EVI5: variants seen among roughly 807,000 people sequenced by gnomAD.
EVI5 encodes ecotropic viral integration site 5, also known as ecotropic viral integration site 5 protein homolog.
A neutral mutation model predicts 112.0 loss-of-function variants in EVI5; 73 were observed. That is an observed-to-expected ratio of 0.65 (90% confidence interval 0.54 to 0.79). EVI5 has a LOEUF of 0.79. Ranked by LOEUF, EVI5 falls within the 30% of genes least tolerant of loss-of-function variation. The pLI is 0.00. For synonymous variants in EVI5, 305 were observed against 319.9 expected (o/e 0.95, Z 0.50); for missense variants, 900 against 968.8 (o/e 0.93, Z 0.94).
intron 10 of EVI5, among the ~76,000 whole-genome samples, chr1:92,676,196 A>C (rs1558047953): frequency 6.6e-6 from 1 of 152,052 alleles, no homozygotes; most frequent in Non-Finnish European, 1.5e-5. Flanking sequence ...AACTGGAGAG[A>C]CTGTCTCCCT....
rs113857584 is a variant in EVI5 at position 92,577,507 on chromosome 1, G to C, written c.2071-13770C>G. Among the ~76,000 whole-genome samples, 130 of 152,306 alleles carry C rather than the reference G, an allele frequency of 8.5e-4. 2 individuals are homozygous for C. Among genetic ancestry groups the C allele is most frequent in the African/African-American group, 3.0e-3 (125 of 41,560 alleles). On this transcript the variant is annotated intron_variant, in intron 18 of 19. Coordinates refer to ENST00000684568, the MANE Select transcript of EVI5 (RefSeq NM_001350197.2). ...TCTTGAGGAAAGCTGGTTAGTGAATGCTTCATAAGTTTTCATCTGAACCAA... is the reference window on the plus strand; with the variant it reads ...TCTTGAGGAAAGCTGGTTAGTGAATCCTTCATAAGTTTTCATCTGAACCAA...
intron 13 of EVI5, among the ~76,000 whole-genome samples, chr1:92,649,629 A>G (rs573545218): frequency 6.6e-6 from 1 of 152,270 alleles, no homozygotes; most frequent in East Asian, 1.9e-4. Context: ...CCTGGGCAAC[A>G]TGGCAAAACC....
intron 1 of EVI5, among the ~76,000 whole-genome samples, chr1:92,740,658 G>A (rs897048729): frequency 1.3e-5 from 2 of 152,124 alleles, no homozygotes; most frequent in South Asian, 4.1e-4. Flanking sequence ...GTATGTGTGT[G>A]TCTGTATACA....
At chr1:92,614,008 A>C (rs995748089) in intron 16 of EVI5, among the ~76,000 whole-genome samples, 1 of 152,254 alleles carries the variant, frequency 6.6e-6, no homozygotes, top group African/African-American at 2.4e-5. Context: ...ATGCAAAGGG[A>C]AAACCTAAAG....
At chr1:92,681,357 TAC>T (rs1380774717) in intron 9 of EVI5, among the ~76,000 whole-genome samples, 1 of 152,124 alleles carries the variant, frequency 6.6e-6, no homozygotes, top group Non-Finnish European at 1.5e-5. Context: ...TATATACGCA[TAC>T]AGAGGAGAGA....
chr1:92,725,022 A>G (rs1469438504), intron 2 of EVI5, among the ~76,000 whole-genome samples: 1 of 152,118 alleles, frequency 6.6e-6, no homozygotes, highest in Non-Finnish European at 1.5e-5. Flanking sequence ...GAGTCATTGC[A>G]AGTCAGATAA....
chr1:92,515,225 T>TG (rs1659677810), intron 19 of EVI5, among the ~76,000 whole-genome samples: 1 of 152,234 alleles, frequency 6.6e-6, no homozygotes, highest in Non-Finnish European at 1.5e-5. Context: ...TACCTGTTAC[T>TG]GGGTGGGCAA....
At chr1:92,563,116 G>C (rs1462481107) in intron 19 of EVI5, among the ~76,000 whole-genome samples, 1 of 152,088 alleles carries the variant, frequency 6.6e-6, no homozygotes, top group Non-Finnish European at 1.5e-5. Context: ...AAAATTTTGT[G>C]AGTTGAATCT....
chr1:92,664,743 T>C (rs1243696301), intron 11 of EVI5, among the ~76,000 whole-genome samples: 2 of 152,244 alleles, frequency 1.3e-5, no homozygotes, highest in Non-Finnish European at 2.9e-5. Flanking sequence ...TACGCACTTC[T>C]ATTTAATATG....
intron 2 of EVI5, among the ~76,000 whole-genome samples, chr1:92,721,296 G>A (rs1474404144): frequency 6.6e-6 from 1 of 152,180 alleles, no homozygotes; most frequent in East Asian, 1.9e-4. Flanking sequence ...ATCAATGATA[G>A]ACTGGATTAA....
At chr1:92,763,308 T>C (rs1289973991) in intron 1 of EVI5, among the ~76,000 whole-genome samples, 1 of 152,022 alleles carries the variant, frequency 6.6e-6, no homozygotes, top group Non-Finnish European at 1.5e-5. Context: ...TGTTTAAAGG[T>C]CTCAAGAATA....
intron 1 of EVI5, among the ~76,000 whole-genome samples, chr1:92,772,854 C>T (rs193282801): frequency 1.4e-5 from 2 of 146,250 alleles, no homozygotes; most frequent in South Asian, 2.2e-4. Context: ...TGTACTGAGC[C>T]GAGATTGCAC....
chr1:92,600,191 A>G (rs1648820402), intron 18 of EVI5, among the ~76,000 whole-genome samples: 2 of 152,350 alleles, frequency 1.3e-5, no homozygotes, highest in Admixed American at 1.3e-4. Context: ...GGCGATATGC[A>G]AAACTGAGAA....
At chr1:92,599,678 G>A (rs1648699308) in intron 18 of EVI5, among the ~76,000 whole-genome samples, 2 of 152,220 alleles carry the variant, frequency 1.3e-5, no homozygotes, top group South Asian at 2.1e-4. Flanking sequence ...TACTTCAAAA[G>A]TAGAGGAGTA....
At position 92,613,747 on chromosome 1, in the gene EVI5, C is replaced by T. The variant is rs1008014936; in HGVS notation, c.1828-6020G>A. Reference sequence around the variant, plus strand: ...GGGACTACAGGCACATACTACCACACCTGGCTAATTTTTAAAAATTTTTAT... The same window carrying T: ...GGGACTACAGGCACATACTACCACATCTGGCTAATTTTTAAAAATTTTTAT... On this transcript the variant is annotated intron_variant, in intron 16 of 19. Transcript: ENST00000684568. Among the ~76,000 whole-genome samples the T allele has an allele frequency of 2.0e-5, 3 of 152,028 alleles. No individual in the cohort carries two copies. The East Asian group carries it at 5.8e-4, about 29-fold the overall frequency.
At chr1:92,629,613 T>C (rs1025927588) in intron 14 of EVI5, among the ~76,000 whole-genome samples, 3 of 152,232 alleles carry the variant, frequency 2.0e-5, no homozygotes, top group Non-Finnish European at 2.9e-5. Context: ...GGTAACTTGT[T>C]CTAGATTGGA....
intron 19 of EVI5, among the ~76,000 whole-genome samples, chr1:92,545,410 G>T: frequency 1.9e-5 from 1 of 53,830 alleles, no homozygotes. Flanking sequence ...CAAACTACTT[G>T]ATGTAAAAAA....
chr1:92,732,914 A>AAC (rs1164614408), intron 2 of EVI5, among the ~76,000 whole-genome samples: 3 of 149,434 alleles, frequency 2.0e-5, no homozygotes, highest in Non-Finnish European at 4.5e-5. Context: ...AAAAAAAAAA[A>AAC]AAAAATTACA....
At chr1:92,653,212 C>T (rs1031116152) in intron 13 of EVI5, among the ~76,000 whole-genome samples, 1 of 152,202 alleles carries the variant, frequency 6.6e-6, no homozygotes, top group African/African-American at 2.4e-5. Flanking sequence ...CACCAGAGCC[C>T]CATAGACATT....
Sources: gnomAD v4.1 joint callset for allele counts (sites outside exome capture counted in the v4.1 genomes callset) on GRCh38, gnomAD v4.1.1 for gene constraint, MANE v1.5 for transcripts, NCBI Gene and HGNC (gene_info 2026-07-23, HGNC 2026-07-21) for gene names.